The following SLC5A1 variants were observed in gnomAD, a reference collection of about 807,000 sequenced individuals.
SLC5A1 encodes sodium/glucose cotransporter 1.
SLC5A1 carries 42 observed loss-of-function variants against 73.5 expected under a neutral mutation model. The observed-to-expected ratio is 0.57, with a 90% CI of 0.45 to 0.74. SLC5A1 has a LOEUF of 0.74. SLC5A1 is among the 30% of genes least tolerant of loss of function. The pLI, the probability that SLC5A1 is intolerant of heterozygous loss-of-function variation, is 0.00. For synonymous variants in SLC5A1, 300 were observed against 317.4 expected (o/e 0.95, Z 0.58); for missense variants, 634 against 855.4 (o/e 0.74, Z 3.23).
rs1569296972 is a variant in SLC5A1 at position 32,043,455 on chromosome 22, GCA to G, written c.135+42_135+43del. 2.5e-6 allele frequency: 4 copies of G among 1,608,752 alleles called. No individual in the cohort carries two copies. The highest frequency in any genetic ancestry group is 3.4e-6 in the Non-Finnish European group (4 of 1,176,792). The stretch of plus-strand genomic sequence containing the variant: ...TCTGGGATGCGGGTGGGGAGGGTGC[GCA>G]CAGAGGAGGAGCAATGGCCTCGCTG... On this transcript the variant is annotated intron_variant, in intron 1 of 14. Transcript: ENST00000266088. The surrounding 1 kb of genome is among the most constrained non-coding windows in gnomAD (Gnocchi z 6.5).
chr22:32,050,475 C>A (rs1195936271), intron 2 of SLC5A1, among the ~76,000 whole-genome samples: 1 of 152,066 alleles, frequency 6.6e-6, no homozygotes, highest in Non-Finnish European at 1.5e-5. Flanking sequence ...GGTTGATATA[C>A]CTGAGACAGA....
rs200522357 is a variant in SLC5A1, at chr22:32,110,360, A to T, written c.*147A>T. 1 of 705,362 alleles carries T rather than the reference A, an allele frequency of 1.4e-6. No homozygotes were observed. The highest frequency in any genetic ancestry group is 2.6e-6 in the Non-Finnish European group (1 of 386,560). The allele number at this position is 705,362 out of a possible 1,614,324, so 43.7% of individuals were successfully genotyped here. Reference sequence around the variant, plus strand: ...ACATGTGTAATTATAGGCTAGCTGGAAGAAAACCATTAGTTTGCTGTTAAT... The same window carrying T: ...ACATGTGTAATTATAGGCTAGCTGGTAGAAAACCATTAGTTTGCTGTTAAT... On this transcript the variant is annotated 3_prime_UTR_variant, in exon 15 of 15. Coordinates refer to ENST00000266088, the MANE Select transcript of SLC5A1 (RefSeq NM_000343.4).
chr22:32,063,480 G>A (rs1289444965), intron 2 of SLC5A1, among the ~76,000 whole-genome samples: 4 of 152,152 alleles, frequency 2.6e-5, no homozygotes, highest in Non-Finnish European at 5.9e-5. Context: ...GAGTTGTAAA[G>A]CTCATGCTGT....
intron 5 of SLC5A1, among the ~76,000 whole-genome samples, chr22:32,076,335 G>A (rs1166298725): frequency 6.6e-6 from 1 of 152,098 alleles, no homozygotes; most frequent in Non-Finnish European, 1.5e-5. Context: ...TGGCTCCCTC[G>A]AGCACCTGCC....
At chr22:32,101,904 A>T in intron 12 of SLC5A1, 118 bp from the exon 13 acceptor site, 1 of 783,588 alleles carries the variant, frequency 1.3e-6, no homozygotes, top group Non-Finnish European at 2.2e-6. Flanking sequence ...GACAGCCTGG[A>T]GCTACCACTT....
chr22:32,048,280 G>A (rs1343384498), intron 1 of SLC5A1, among the ~76,000 whole-genome samples: 2 of 152,228 alleles, frequency 1.3e-5, no homozygotes, highest in Non-Finnish European at 2.9e-5. Flanking sequence ...CCAGGGGCCA[G>A]GAACAGAGGC....
At chr22:32,088,307 G>A (rs1363703311) in intron 10 of SLC5A1, among the ~76,000 whole-genome samples, 1 of 150,796 alleles carries the variant, frequency 6.6e-6, no homozygotes, top group African/African-American at 2.4e-5. Flanking sequence ...CCTCTTGGCT[G>A]TAATCTGGCT....
At chr22:32,056,523 T>C (rs1454212760) in intron 2 of SLC5A1, among the ~76,000 whole-genome samples, 1 of 150,518 alleles carries the variant, frequency 6.6e-6, no homozygotes. Flanking sequence ...GAATATATTA[T>C]CTGTGAATCT....
At chr22:32,098,959 G>A (rs887896677) in intron 11 of SLC5A1, among the ~76,000 whole-genome samples, 11 of 150,856 alleles carry the variant, frequency 7.3e-5, no homozygotes, top group African/African-American at 1.7e-4. Context: ...GGTGGCGGGC[G>A]CCTGTAGTCC....
In SLC5A1 at chr22:32,102,145, C is replaced by T; in HGVS notation, c.1573C>T (p.His525Tyr). The change falls in exon 13 of 15, where the codon CAC becomes TAC. Residue 525 changes from histidine (H) to tyrosine (Y), a missense_variant. Around this residue, in one of 3 missense-constraint regions of SLC5A1, gnomAD observed 161 missense variants for 178.7 expected, o/e 0.90. Coordinates refer to ENST00000266088, the MANE Select transcript of SLC5A1 (RefSeq NM_000343.4). ...CTGTCCCACGATTATCTGTGGGGTG[C>T]ACTACTTGTACTTTGCCATTATCCT... is the stretch of plus-strand genomic sequence containing the variant. ...SNCPTIICGV[H>Y]YLYFAIILFA... 1 of 1,613,954 alleles carries T rather than the reference C, an allele frequency of 6.2e-7. No individual in the cohort carries two copies. Among genetic ancestry groups the T allele is most frequent in the Non-Finnish European group, 8.5e-7 (1 of 1,179,922 alleles).
intron 12 of SLC5A1, among the ~76,000 whole-genome samples, chr22:32,100,024 G>C (rs1376148846): frequency 6.6e-6 from 1 of 152,238 alleles, no homozygotes; most frequent in Non-Finnish European, 1.5e-5. Context: ...CCTTGGACCA[G>C]CTGGAGCTGG....
At chr22:32,105,915 C>T (rs1166937971) in intron 14 of SLC5A1, among the ~76,000 whole-genome samples, 1 of 152,164 alleles carries the variant, frequency 6.6e-6, no homozygotes, top group Admixed American at 6.5e-5. Flanking sequence ...ATGACAGGGT[C>T]TCATTCTTTC....
intron 1 of SLC5A1, among the ~76,000 whole-genome samples, chr22:32,047,677 G>C (rs896604928): frequency 6.6e-6 from 1 of 152,204 alleles, no homozygotes; most frequent in African/African-American, 2.4e-5. Context: ...TAATGGCCCT[G>C]CTTCCTAAAG....
At chr22:32,057,480 G>A (rs1016245536) in intron 2 of SLC5A1, among the ~76,000 whole-genome samples, 1 of 152,026 alleles carries the variant, frequency 6.6e-6, no homozygotes, top group Non-Finnish European at 1.5e-5. Flanking sequence ...TGCCCAGGCA[G>A]GTCTCAAACT....
At chr22:32,086,193 C>G in intron 9 of SLC5A1, 27 bp from the exon 10 acceptor site, 1 of 1,350,028 alleles carries the variant, frequency 7.4e-7, no homozygotes. Context: ...TGTCTGCTTG[C>G]TGACGTGGCT....
At chr22:32,103,790 CAA>C (rs1268789642) in intron 13 of SLC5A1, among the ~76,000 whole-genome samples, 2 of 152,254 alleles carry the variant, frequency 1.3e-5, no homozygotes, top group Non-Finnish European at 2.9e-5. Flanking sequence ...CTAACAATAT[CAA>C]AGTCTAATTG....
At chr22:32,080,208 C>G (rs2093997335) in intron 5 of SLC5A1, among the ~76,000 whole-genome samples, 1 of 152,158 alleles carries the variant, frequency 6.6e-6, no homozygotes, top group Non-Finnish European at 1.5e-5. Context: ...TCTGCCTCCC[C>G]TCCTTCACCA....
At chr22:32,082,381 T>G (rs2094001436) in intron 6 of SLC5A1, among the ~76,000 whole-genome samples, 1 of 152,086 alleles carries the variant, frequency 6.6e-6, no homozygotes, top group Non-Finnish European at 1.5e-5. Context: ...GTGGGGACCA[T>G]ATAGCTTGAT....
At position 32,111,616 on chromosome 22, in the gene SLC5A1, C is replaced by G. The variant is rs578197636; in HGVS notation, c.*1403C>G. On this transcript the variant is annotated 3_prime_UTR_variant, in exon 15 of 15. Transcript: ENST00000266088. ...AAAGGAAAAAGAATTACAAACTGAACGTATGTAGGTGAGGCAAGGCAGGGT... is the reference window on the plus strand; with the variant it reads ...AAAGGAAAAAGAATTACAAACTGAAGGTATGTAGGTGAGGCAAGGCAGGGT... 6.6e-6 allele frequency: 1 copy of G among 152,214 alleles called. No individual in the cohort carries two copies. The highest frequency in any genetic ancestry group is 2.4e-5 in the African/African-American group (1 of 41,504). The allele number at this position is 152,214 out of a possible 1,614,324, so 9.4% of individuals were successfully genotyped here.
Sources: gnomAD v4.1 joint callset for allele counts (sites outside exome capture counted in the v4.1 genomes callset) on GRCh38, gnomAD v4.1.1 for gene constraint, gnomAD v4.1.1 regional missense constraint, Gnocchi (gnomAD v3.1) non-coding constraint, MANE v1.5 for transcripts, NCBI Gene and HGNC (gene_info 2026-07-23, HGNC 2026-07-21) for gene names.